The following TEC variants were observed in gnomAD, a reference collection of about 807,000 sequenced individuals.
TEC encodes the protein tyrosine-protein kinase Tec.
Under a neutral mutation model 93.0 loss-of-function variants are expected in TEC, and 72 were observed. The observed-to-expected ratio is 0.77, with a 90% CI of 0.64 to 0.94. The LOEUF (loss-of-function observed/expected upper bound fraction) is 0.94, where lower values mean the gene tolerates loss of function less well. Ranked by LOEUF, TEC falls within the 40% of genes least tolerant of loss-of-function variation. The pLI is 0.00. For synonymous variants in TEC, 249 were observed against 247.7 expected (o/e 1.01, Z -0.05); for missense variants, 630 against 757.9 (o/e 0.83, Z 1.98).
intron 9 of TEC, chr4:48,153,403 C>G (rs1720257587): frequency 6.6e-6 from 1 of 152,180 alleles, no homozygotes; most frequent in Non-Finnish European, 1.5e-5. Context: ...CTGCAGAACT[C>G]AGAGATTGCA....
intron 1 of TEC, among the ~76,000 whole-genome samples, chr4:48,238,644 C>T (rs1403258342): frequency 6.7e-6 from 1 of 149,236 alleles, no homozygotes; most frequent in African/African-American, 2.5e-5. Context: ...TGTCCATATG[C>T]AGATATATGC....
In TEC at chr4:48,234,175, C is replaced by A. The variant is rs191261861; in HGVS notation, c.-45-5516G>T. Among the ~76,000 whole-genome samples the A allele has an allele frequency of 3.8e-3, 580 of 152,224 alleles. 4 individuals are homozygous for A. The highest frequency in any genetic ancestry group is 0.013 in the African/African-American group (530 of 41,542). ...ACTCAGAAAGAAAGTGATTTCTAATCAAAAATTCTATACTCAGCCAAAGTG... is the reference window on the plus strand; with the variant it reads ...ACTCAGAAAGAAAGTGATTTCTAATAAAAAATTCTATACTCAGCCAAAGTG... On this transcript the variant is annotated intron_variant, in intron 1 of 17. Coordinates refer to ENST00000381501, the MANE Select transcript of TEC (RefSeq NM_003215.3).
intron 2 of TEC, among the ~76,000 whole-genome samples, chr4:48,177,126 C>T (rs79739642): frequency 0.037 from 5,569 of 152,278 alleles, 342 homozygotes; most frequent in African/African-American, 0.13. Flanking sequence ...ATCATCCACA[C>T]CTTTAAGCAT....
In TEC at chr4:48,182,840, G is replaced by A. The variant is rs562008376; in HGVS notation, c.139-6654C>T. On this transcript the variant is annotated intron_variant, in intron 2 of 17. Coordinates refer to ENST00000381501, the MANE Select transcript of TEC (RefSeq NM_003215.3). ...CCATCCTAATCTAAAGAAATTAAGT[G>A]AGAAAAAAATGTATACAAATAACCA... Among the ~76,000 whole-genome samples the A allele has an allele frequency of 1.1e-4, 16 of 152,068 alleles. No homozygotes were observed. The South Asian group carries it at 3.3e-3, about 32-fold the overall frequency.
chr4:48,212,110 A>AAAAAAAAAATATAT, intron 2 of TEC, among the ~76,000 whole-genome samples: 1 of 122,264 alleles, frequency 8.2e-6, no homozygotes, highest in South Asian at 2.5e-4. Flanking sequence ...AAAAAAAAAA[A>AAAAAAAAAATATAT]ATATATATAT....
At position 48,138,920 on chromosome 4, in the gene TEC, T is replaced by G. The variant is rs1011611971; in HGVS notation, c.1638A>C (p.Ser546=). 1.2e-6 allele frequency: 2 copies of G among 1,614,220 alleles called. No homozygotes were observed. Among genetic ancestry groups the G allele is most frequent in the Non-Finnish European group, 1.7e-6 (2 of 1,180,030 alleles). The change falls in exon 16 of 18, where the codon TCA becomes TCC. Residue 546 remains serine, a synonymous_variant. Coordinates refer to ENST00000381501, the MANE Select transcript of TEC (RefSeq NM_003215.3). ...VFNYSRFSSK[S]DVWSFGVLMW... ...GGATCTTACCAAATGACCAGACATC[T>G]GATTTGCTGCTGAAGCGGCTGTAAT...
At chr4:48,262,749 C>G (rs1279456422) in intron 1 of TEC, among the ~76,000 whole-genome samples, 1 of 152,180 alleles carries the variant, frequency 6.6e-6, no homozygotes, top group Non-Finnish European at 1.5e-5. Context: ...ACTAGCCAAG[C>G]TTTTGTTCAC....
At chr4:48,258,413 GA>G (rs1724402393) in intron 1 of TEC, among the ~76,000 whole-genome samples, 1 of 152,116 alleles carries the variant, frequency 6.6e-6, no homozygotes, top group Admixed American at 6.5e-5. Context: ...AAAGTGCTGG[GA>G]TAACAAGAGA....
intron 7 of TEC, among the ~76,000 whole-genome samples, chr4:48,165,318 A>G (rs1286145842): frequency 6.6e-6 from 1 of 152,212 alleles, no homozygotes; most frequent in African/African-American, 2.4e-5. Context: ...AAAACTAGTA[A>G]AAGTTTAAGA....
chr4:48,188,874 T>G (rs1439346591), intron 2 of TEC, among the ~76,000 whole-genome samples: 1 of 138,278 alleles, frequency 7.2e-6, no homozygotes, highest in East Asian at 1.9e-4. Flanking sequence ...TGTGTGTGCA[T>G]GTGTGTGTGT....
At position 48,152,847 on chromosome 4, in the gene TEC, T is replaced by TC. The variant is rs561686637; in HGVS notation, c.793-1906dup. Among the ~76,000 whole-genome samples, 48 of 152,252 alleles carry TC rather than the reference T, an allele frequency of 3.2e-4. No individual in the cohort carries two copies. The South Asian group carries it at 9.1e-3, about 29-fold the overall frequency. On this transcript the variant is annotated intron_variant, in intron 9 of 17. Transcript: ENST00000381501. ...TAACATCAACTACAAAAACAAGCACTCAACAAAATCTTGAGCATGATAATA... is the reference window on the plus strand; with the variant it reads ...TAACATCAACTACAAAAACAAGCACTCCAACAAAATCTTGAGCATGATAATA...
rs557495562 is a variant in TEC, at chr4:48,191,216, A to T, written c.139-15030T>A. Reference sequence around the variant, plus strand: ...AATTGTGAGATGCTCACAGGCACATAGCATAATTTATCTGGACCCTCACAA... The same window carrying T: ...AATTGTGAGATGCTCACAGGCACATTGCATAATTTATCTGGACCCTCACAA... On this transcript the variant is annotated intron_variant, in intron 2 of 17. Coordinates refer to ENST00000381501, the MANE Select transcript of TEC (RefSeq NM_003215.3). Among the ~76,000 whole-genome samples, 34 of 152,356 alleles carry T rather than the reference A, an allele frequency of 2.2e-4. 1 individual carries two copies. In the South Asian group the frequency reaches 2.5e-3, roughly 11 times the overall value.
At chr4:48,169,359 T>C (rs1721009308) in intron 5 of TEC, among the ~76,000 whole-genome samples, 1 of 151,850 alleles carries the variant, frequency 6.6e-6, no homozygotes, top group Admixed American at 6.6e-5. Flanking sequence ...CATTCACTAA[T>C]ACCAAACCTT....
intron 2 of TEC, among the ~76,000 whole-genome samples, chr4:48,187,910 AG>A (rs1046923670): frequency 9.2e-5 from 14 of 152,356 alleles, no homozygotes; most frequent in African/African-American, 2.9e-4. Context: ...CCTTGGAGCA[AG>A]GACTATGCTA....
chr4:48,243,138 G>A (rs1723964691), intron 1 of TEC, among the ~76,000 whole-genome samples: 1 of 152,042 alleles, frequency 6.6e-6, no homozygotes, highest in Non-Finnish European at 1.5e-5. Flanking sequence ...GACTGCTGGA[G>A]AAGACATAAG....
intron 1 of TEC, among the ~76,000 whole-genome samples, chr4:48,254,846 G>T (rs766871816): frequency 4.6e-5 from 7 of 151,796 alleles, no homozygotes; most frequent in Non-Finnish European, 1.0e-4. Context: ...GAGGTGTTGG[G>T]TGTGGCACCT....
intron 9 of TEC, among the ~76,000 whole-genome samples, 197 bp downstream of exon 9, chr4:48,156,483 T>C (rs1720405386): frequency 2.6e-5 from 4 of 152,214 alleles, no homozygotes; most frequent in Admixed American, 2.6e-4. Context: ...TAAGTCCCTA[T>C]TAAATATTTA....
intron 8 of TEC, among the ~76,000 whole-genome samples, chr4:48,160,761 GA>G (rs748085596): frequency 2.5e-4 from 28 of 110,214 alleles, no homozygotes; most frequent in Middle Eastern, 4.8e-3. Flanking sequence ...AAGAAAGAAA[GA>G]AAAGAAAAAA....
chr4:48,224,151 C>T (rs1723360249), intron 2 of TEC, among the ~76,000 whole-genome samples: 1 of 152,118 alleles, frequency 6.6e-6, no homozygotes, highest in Non-Finnish European at 1.5e-5. Flanking sequence ...GTTGGGAACC[C>T]TGGCACAACG....
Sources: gnomAD v4.1 joint callset for allele counts (sites outside exome capture counted in the v4.1 genomes callset) on GRCh38, gnomAD v4.1.1 for gene constraint, MANE v1.5 for transcripts, NCBI Gene and HGNC (gene_info 2026-07-23, HGNC 2026-07-21) for gene names.